Variants in CCDC178 observed in about 807,000 individuals in gnomAD.
The protein encoded by CCDC178 is coiled-coil domain-containing protein 178.
A neutral mutation model predicts 117.4 loss-of-function variants in CCDC178; 126 were observed. That is an observed-to-expected ratio of 1.07 (90% confidence interval 0.93 to 1.24). The LOEUF (loss-of-function observed/expected upper bound fraction) is 1.24, where lower values mean the gene tolerates loss of function less well. Ranked by LOEUF, CCDC178 falls within the 50% of genes most tolerant of loss-of-function variation. The pLI, the probability that CCDC178 is intolerant of heterozygous loss-of-function variation, is 0.00. For synonymous variants in CCDC178, 283 were observed against 313.4 expected, an observed-to-expected ratio of 0.90 and a Z score of 1.02; for missense variants, 1,030 against 986.9, an observed-to-expected ratio of 1.04 and a Z score of -0.59.
chr18:33,122,348 A>G (rs150414565), intron 20 of CCDC178, among the ~76,000 whole-genome samples: 1 of 152,118 alleles, frequency 6.6e-6, no homozygotes, highest in Non-Finnish European at 1.5e-5. Flanking sequence ...GGCTTGGCAT[A>G]TCAGATCAGA....
intron 20 of CCDC178, among the ~76,000 whole-genome samples, chr18:33,144,455 A>G (rs976511549): frequency 1.3e-5 from 2 of 152,118 alleles, no homozygotes; most frequent in Non-Finnish European, 2.9e-5. Flanking sequence ...AAATTATAAA[A>G]CAAGTGTTAA....
intron 6 of CCDC178, among the ~76,000 whole-genome samples, chr18:33,362,206 G>T (rs1277353750): frequency 2.8e-5 from 3 of 106,696 alleles, no homozygotes; most frequent in African/African-American, 3.9e-5. Flanking sequence ...TATATATATA[G>T]CTAATATTCA....
chr18:33,242,009 T>G (rs1218929125), intron 15 of CCDC178, among the ~76,000 whole-genome samples: 2 of 151,788 alleles, frequency 1.3e-5, no homozygotes, highest in Admixed American at 6.6e-5. Flanking sequence ...ACTACCAGAC[T>G]TCAAAATTCA....
chr18:33,012,443 T>C (rs1345152851), intron 21 of CCDC178, among the ~76,000 whole-genome samples: 2 of 152,300 alleles, frequency 1.3e-5, no homozygotes, highest in East Asian at 1.9e-4. Context: ...ATTTTACATG[T>C]ATATGATTTT....
At chr18:33,328,168 C>T (rs2062613676) in intron 10 of CCDC178, 2 of 277,650 alleles carry the variant, frequency 7.2e-6, no homozygotes, top group Non-Finnish European at 6.5e-6. Context: ...GTGGCGCGAT[C>T]TCGGCTCACT....
intron 15 of CCDC178, among the ~76,000 whole-genome samples, chr18:33,244,848 C>T (rs2059528524): frequency 6.6e-6 from 1 of 151,870 alleles, no homozygotes; most frequent in Admixed American, 6.6e-5. Flanking sequence ...TTCAACAACT[C>T]ATAGGCCTAC....
At chr18:33,066,011 G>A (rs1412705048) in intron 21 of CCDC178, among the ~76,000 whole-genome samples, 2 of 151,842 alleles carry the variant, frequency 1.3e-5, no homozygotes, top group Non-Finnish European at 1.5e-5. Flanking sequence ...ACAGGCGCCT[G>A]CCATCACGCC....
intron 2 of CCDC178, among the ~76,000 whole-genome samples, chr18:33,438,897 G>A (rs2064333466): frequency 6.6e-6 from 1 of 152,094 alleles, no homozygotes. Flanking sequence ...CATAAGCCTA[G>A]ATAAACTGAG....
intron 22 of CCDC178, among the ~76,000 whole-genome samples, chr18:32,959,627 C>G (rs182103420): frequency 2.0e-5 from 3 of 151,862 alleles, no homozygotes; most frequent in Non-Finnish European, 4.4e-5. Flanking sequence ...TATAACTGCA[C>G]TGTTCATTGT....
At chr18:33,294,013 C>T (rs950679596) in intron 11 of CCDC178, among the ~76,000 whole-genome samples, 1 of 151,884 alleles carries the variant, frequency 6.6e-6, no homozygotes, top group South Asian at 2.1e-4. Context: ...GTGAAAAGAC[C>T]AAGCAGTTAT....
intron 21 of CCDC178, among the ~76,000 whole-genome samples, chr18:33,078,005 T>C (rs1248420709): frequency 2.0e-5 from 3 of 152,100 alleles, no homozygotes; most frequent in Non-Finnish European, 2.9e-5. Context: ...AGGGCAATAG[T>C]ATTGATGAAC....
chr18:33,284,758 T>C (rs1004391495), intron 12 of CCDC178, among the ~76,000 whole-genome samples: 1 of 152,204 alleles, frequency 6.6e-6, no homozygotes, highest in African/African-American at 2.4e-5. Flanking sequence ...GATTCATTAA[T>C]AGCAATTGAA....
At chr18:33,202,391 TAAAAAAAAAAA>T (rs60997290) in intron 20 of CCDC178, among the ~76,000 whole-genome samples, 3 of 20,282 alleles carry the variant, frequency 1.5e-4, no homozygotes, top group Non-Finnish European at 1.9e-4. Flanking sequence ...GACTCCATCT[TAAAAAAAAAAA>T]AAAAAAAAAA....
chr18:33,280,268 G>C (rs961182565), intron 12 of CCDC178, among the ~76,000 whole-genome samples: 6 of 151,924 alleles, frequency 3.9e-5, no homozygotes, highest in African/African-American at 9.7e-5. Flanking sequence ...GAAAAACAAA[G>C]AACCCCATCA....
intron 2 of CCDC178, among the ~76,000 whole-genome samples, chr18:33,412,950 C>T (rs951681738): frequency 1.3e-5 from 2 of 152,000 alleles, no homozygotes; most frequent in Non-Finnish European, 2.9e-5. Flanking sequence ...AATATTTTGT[C>T]CTATAGAGTT....
At chr18:33,239,119 A>G (rs1367348101) in intron 15 of CCDC178, among the ~76,000 whole-genome samples, 1 of 152,138 alleles carries the variant, frequency 6.6e-6, no homozygotes, top group Non-Finnish European at 1.5e-5. Flanking sequence ...AGAAAGGCCC[A>G]ATAGGTTTCA....
intron 20 of CCDC178, among the ~76,000 whole-genome samples, chr18:33,135,412 A>G (rs1267822408): frequency 6.6e-6 from 1 of 152,190 alleles, no homozygotes; most frequent in African/African-American, 2.4e-5. Flanking sequence ...ATTTTTAAGT[A>G]TCATGCAGCA....
At chr18:33,371,481 C>T (rs764910839) in intron 5 of CCDC178, among the ~76,000 whole-genome samples, 1 of 151,722 alleles carries the variant, frequency 6.6e-6, no homozygotes, top group African/African-American at 2.4e-5. Flanking sequence ...TCTAAGTCTA[C>T]GGAACAGGTA....
At chr18:33,209,832 G>A (rs1305657819) in intron 20 of CCDC178, among the ~76,000 whole-genome samples, 1 of 151,992 alleles carries the variant, frequency 6.6e-6, no homozygotes, top group African/African-American at 2.4e-5. Flanking sequence ...ATAGTTAACA[G>A]AATCCTTAAG....
Sources: gnomAD v4.1 joint callset for allele counts (sites outside exome capture counted in the v4.1 genomes callset) on GRCh38, gnomAD v4.1.1 for gene constraint, MANE v1.5 for transcripts, NCBI Gene and HGNC (gene_info 2026-07-23, HGNC 2026-07-21) for gene names.